The following LRRTM4 variants were observed in gnomAD, a reference collection of about 807,000 sequenced individuals.
LRRTM4 encodes leucine rich repeat transmembrane neuronal 4.
A neutral mutation model predicts 47.6 loss-of-function variants in LRRTM4; 25 were observed. The ratio of observed to expected loss-of-function variants is 0.53; its 90% CI spans 0.38 to 0.73. The LOEUF (loss-of-function observed/expected upper bound fraction) is 0.73, where lower values mean the gene tolerates loss of function less well. Among genes scored for constraint, LRRTM4 ranks in the 30% least tolerant of loss-of-function variants. LRRTM4 has a pLI of 0.00. For synonymous variants in LRRTM4, 311 were observed against 269.5 expected, an observed-to-expected ratio of 1.15 and a Z score of -1.51; for missense variants, 638 against 713.4, an observed-to-expected ratio of 0.89 and a Z score of 1.20.
rs201830306 is a variant in LRRTM4, at chr2:76,887,607, TATATG to T, written c.1552-138696_1552-138692del. Among the ~76,000 whole-genome samples, 24 of 150,254 alleles carry T rather than the reference TATATG, an allele frequency of 1.6e-4. 1 individual carries two copies. The highest frequency in any genetic ancestry group is 2.0e-4 in the East Asian group (1 of 5,104). On this transcript the variant is annotated intron_variant, in intron 3 of 3. Coordinates refer to ENST00000409884, the MANE Select transcript of LRRTM4 (RefSeq NM_001134745.3). Reference sequence around the variant, plus strand: ...CAAACAGATATAATATATACACACATATATGATATATGATACACACTGTATATGAT... The same window carrying T: ...CAAACAGATATAATATATACACACATATATATGATACACACTGTATATGAT...
chr2:77,280,403 C>T (rs1676477582), intron 3 of LRRTM4, among the ~76,000 whole-genome samples: 1 of 151,986 alleles, frequency 6.6e-6, no homozygotes, highest in Non-Finnish European at 1.5e-5. Context: ...GTTTGTGAGA[C>T]TTTGTTATAA....
At chr2:77,212,245 CAT>C (rs1387877117) in intron 3 of LRRTM4, among the ~76,000 whole-genome samples, 1 of 148,738 alleles carries the variant, frequency 6.7e-6, no homozygotes, top group Non-Finnish European at 1.5e-5. Flanking sequence ...AATGAAATAA[CAT>C]ATTTTGATAG....
rs1430590711 is a variant in LRRTM4 at position 76,872,266 on chromosome 2, A to C, written c.1552-123350T>G. ...CGTTAAAATCAGAATCATGAAATCC[A>C]TATTAGGATTACAATAAAACAATAT... On this transcript the variant is annotated intron_variant, in intron 3 of 3. Transcript: ENST00000409884. Among the ~76,000 whole-genome samples the C allele has an allele frequency of 2.0e-5, 3 of 152,166 alleles. No homozygotes were observed. In the East Asian group the frequency reaches 5.8e-4, roughly 29 times the overall value.
At chr2:76,813,437 A>G (rs1670804624) in intron 3 of LRRTM4, among the ~76,000 whole-genome samples, 1 of 152,202 alleles carries the variant, frequency 6.6e-6, no homozygotes. Flanking sequence ...AAGTCTGAAG[A>G]CAATTTCATG....
chr2:77,434,073 A>G (rs563340826), intron 3 of LRRTM4, among the ~76,000 whole-genome samples: 40 of 152,280 alleles, frequency 2.6e-4, no homozygotes, highest in Non-Finnish European at 4.9e-4. Flanking sequence ...ATAATTGTCC[A>G]ATGGGTCTAG....
In LRRTM4 at chr2:77,415,099, T is replaced by C. The variant is rs796131498; in HGVS notation, c.1551+103219A>G. 2.1e-4 allele frequency among the ~76,000 whole-genome samples: 32 copies of C among 152,300 alleles called. 1 individual carries two copies. Among genetic ancestry groups the C allele is most frequent in the African/African-American group, 7.7e-4 (32 of 41,586 alleles). Reference sequence around the variant, plus strand: ...TTGTACTGCTATGTTTGCACTCCAGTGCACTACAGATCATATTCACTGAAA... The same window carrying C: ...TTGTACTGCTATGTTTGCACTCCAGCGCACTACAGATCATATTCACTGAAA... On this transcript the variant is annotated intron_variant, in intron 3 of 3. Coordinates refer to ENST00000409884, the MANE Select transcript of LRRTM4 (RefSeq NM_001134745.3).
At chr2:76,973,379 C>G (rs1359895988) in intron 3 of LRRTM4, among the ~76,000 whole-genome samples, 1 of 151,804 alleles carries the variant, frequency 6.6e-6, no homozygotes, top group Non-Finnish European at 1.5e-5. Flanking sequence ...AAAAAATATT[C>G]TTATATGGGG....
At chr2:77,156,462 G>A (rs1447107994) in intron 3 of LRRTM4, among the ~76,000 whole-genome samples, 2 of 151,788 alleles carry the variant, frequency 1.3e-5, no homozygotes, top group Non-Finnish European at 1.5e-5. Context: ...ATGGGAATTG[G>A]GATGAAAATG....
At chr2:76,960,562 C>G (rs556927144) in intron 3 of LRRTM4, among the ~76,000 whole-genome samples, 2 of 147,130 alleles carry the variant, frequency 1.4e-5, no homozygotes, top group East Asian at 4.0e-4. Flanking sequence ...GTATCTTCAA[C>G]TCAAATACTC....
chr2:77,449,639 G>A (rs978751540), intron 3 of LRRTM4, among the ~76,000 whole-genome samples: 2 of 152,138 alleles, frequency 1.3e-5, no homozygotes, highest in Non-Finnish European at 2.9e-5. Flanking sequence ...TAAATCAGAA[G>A]CTGGTGATAG....
At chr2:77,362,107 A>AAGAAAGAG (rs1199928161) in intron 3 of LRRTM4, among the ~76,000 whole-genome samples, 1 of 135,612 alleles carries the variant, frequency 7.4e-6, no homozygotes, top group Non-Finnish European at 1.6e-5. Context: ...AAAGGAAAGA[A>AAGAAAGAG]AGAAAGAGAG....
intron 3 of LRRTM4, among the ~76,000 whole-genome samples, chr2:77,355,063 G>A (rs1671920214): frequency 6.6e-6 from 1 of 152,112 alleles, no homozygotes; most frequent in Non-Finnish European, 1.5e-5. Context: ...GAAAGAACAT[G>A]ATCCTCTCAT....
intron 3 of LRRTM4, among the ~76,000 whole-genome samples, chr2:77,097,884 T>G (rs890333717): frequency 6.6e-6 from 1 of 151,886 alleles, no homozygotes; most frequent in Non-Finnish European, 1.5e-5. Flanking sequence ...AAGACAATGG[T>G]TATTGTTTAA....
intron 3 of LRRTM4, among the ~76,000 whole-genome samples, chr2:76,868,256 T>C (rs1054830613): frequency 2.6e-5 from 4 of 152,220 alleles, no homozygotes; most frequent in African/African-American, 9.6e-5. Context: ...TAATTTTTCT[T>C]GTTTGGTAAA....
intron 3 of LRRTM4, among the ~76,000 whole-genome samples, chr2:77,307,101 T>C (rs901814568): frequency 2.0e-5 from 3 of 151,486 alleles, no homozygotes; most frequent in Non-Finnish European, 2.9e-5. Flanking sequence ...GGGGTTTCAC[T>C]GTGTTAGCCA....
At chr2:77,040,840 G>T (rs2104174790) in intron 3 of LRRTM4, among the ~76,000 whole-genome samples, 1 of 151,504 alleles carries the variant, frequency 6.6e-6, no homozygotes, top group Non-Finnish European at 1.5e-5. Context: ...ATGGGGTAAA[G>T]TGTATTGTTT....
intron 3 of LRRTM4, among the ~76,000 whole-genome samples, chr2:77,436,380 T>A (rs1217655502): frequency 6.6e-6 from 1 of 152,020 alleles, no homozygotes; most frequent in Non-Finnish European, 1.5e-5. Flanking sequence ...AATGCTAAGG[T>A]TGTTTGATAA....
intron 3 of LRRTM4, among the ~76,000 whole-genome samples, chr2:76,769,153 T>A (rs1573070553): frequency 6.6e-6 from 1 of 152,090 alleles, no homozygotes; most frequent in South Asian, 2.1e-4. Flanking sequence ...CAGGTGAAGG[T>A]CATTAACATC....
intron 3 of LRRTM4, among the ~76,000 whole-genome samples, chr2:76,859,992 C>T (rs1672264319): frequency 6.6e-6 from 1 of 152,104 alleles, no homozygotes; most frequent in Admixed American, 6.6e-5. Flanking sequence ...AGTACCATTT[C>T]TTTTCATTAT....
Sources: gnomAD v4.1 joint callset for allele counts (sites outside exome capture counted in the v4.1 genomes callset) on GRCh38, gnomAD v4.1.1 for gene constraint, MANE v1.5 for transcripts, NCBI Gene and HGNC (gene_info 2026-07-23, HGNC 2026-07-21) for gene names.